Variants in TMTC4 observed in about 807,000 individuals in gnomAD.
The protein encoded by TMTC4 is transmembrane O-mannosyltransferase targeting cadherins 4.
TMTC4 carries 65 observed loss-of-function variants against 86.0 expected under a neutral mutation model. That is an observed-to-expected ratio of 0.76 (90% CI 0.62 to 0.93). The LOEUF (loss-of-function observed/expected upper bound fraction) is 0.93. Ranked by LOEUF, TMTC4 falls within the 40% of genes least tolerant of loss-of-function variation. TMTC4 has a pLI of 0.00. For synonymous variants in TMTC4, 379 were observed against 382.5 expected (o/e 0.99, Z 0.11); for missense variants, 866 against 948.1 (o/e 0.91, Z 1.14).
At chr13:100,661,394 A>C (rs982017097) in intron 5 of TMTC4, among the ~76,000 whole-genome samples, 3 of 152,236 alleles carry the variant, frequency 2.0e-5, no homozygotes, top group African/African-American at 7.2e-5. Flanking sequence ...TGAGAATTTT[A>C]GAAAACTTTC....
intron 15 of TMTC4, among the ~76,000 whole-genome samples, chr13:100,623,714 T>G (rs1303833761): frequency 7.1e-6 from 1 of 140,820 alleles, no homozygotes; most frequent in East Asian, 2.2e-4. Context: ...ATTGGAAAGA[T>G]GAAACTTTAT....
chr13:100,673,971 T>G (rs965126314), intron 1 of TMTC4: 9 of 949,266 alleles, frequency 9.5e-6, no homozygotes, highest in Non-Finnish European at 1.0e-5. Flanking sequence ...TGACTCATAG[T>G]GGCTAGATCG....
intron 15 of TMTC4, among the ~76,000 whole-genome samples, chr13:100,618,393 T>C (rs1274266809): frequency 1.3e-5 from 2 of 151,594 alleles, no homozygotes; most frequent in Non-Finnish European, 2.9e-5. Context: ...GTGGTGGGAG[T>C]GGGCATCCTT....
chr13:100,658,658 G>A (rs1263835490), intron 5 of TMTC4, among the ~76,000 whole-genome samples: 4 of 152,144 alleles, frequency 2.6e-5, no homozygotes, highest in Non-Finnish European at 5.9e-5. Context: ...TTGCTATCTG[G>A]GTGGCTAGTG....
At position 100,636,548 on chromosome 13, in the gene TMTC4, C is replaced by T. The variant is rs1882231764; in HGVS notation, c.1186G>A (p.Asp396Asn). The change falls in exon 10 of 19, where the codon GAC becomes AAC. Residue 396 changes from aspartate (D) to asparagine (N), a missense_variant. By Grantham distance (23) the Asp-to-Asn change is conservative (BLOSUM62 1). Transcript: ENST00000342624. The stretch of plus-strand genomic sequence containing the variant: ...GCCTCTTACCTTCTCTTGTGGCCGT[C>T]TTCAGAGCACAGGGCTTGGCATATC... ...GLICQALCSE[D>N]GHKRRILTLG... 1 of 1,614,118 alleles carries T rather than the reference C, an allele frequency of 6.2e-7. No homozygotes were observed. Among genetic ancestry groups the T allele is most frequent in the Non-Finnish European group, 8.5e-7 (1 of 1,180,060 alleles).
intron 2 of TMTC4, among the ~76,000 whole-genome samples, chr13:100,669,164 A>G (rs1006773782): frequency 1.3e-5 from 2 of 152,226 alleles, no homozygotes; most frequent in Admixed American, 6.5e-5. Flanking sequence ...CATCCAATCC[A>G]GAAAAATTAA....
chr13:100,643,174 C>T (rs1177752187), intron 6 of TMTC4, among the ~76,000 whole-genome samples: 1 of 152,158 alleles, frequency 6.6e-6, no homozygotes. Context: ...GTTGTGAAGT[C>T]CCCACTCTTC....
chr13:100,664,469 A>G (rs1886171595), intron 3 of TMTC4, 133 bp from the exon 4 acceptor site: 1 of 587,898 alleles, frequency 1.7e-6, no homozygotes, highest in Non-Finnish European at 3.0e-6. Context: ...CTCTATGTTG[A>G]TATCTCGAAA....
At chr13:100,667,293 G>A (rs1886500931) in intron 3 of TMTC4, among the ~76,000 whole-genome samples, 1 of 152,090 alleles carries the variant, frequency 6.6e-6, no homozygotes, top group Non-Finnish European at 1.5e-5. Context: ...AATTAGCCAG[G>A]CATGTGATGC....
intron 3 of TMTC4, 46 bp from the exon 4 acceptor site, chr13:100,664,382 G>T: frequency 1.4e-6 from 2 of 1,442,308 alleles, no homozygotes; most frequent in Non-Finnish European, 1.9e-6. Context: ...TCTCCCATCA[G>T]CCCTAAGCCA....
intron 12 of TMTC4, among the ~76,000 whole-genome samples, chr13:100,626,652 C>A (rs1880594864): frequency 6.6e-6 from 1 of 151,962 alleles, no homozygotes; most frequent in African/African-American, 2.4e-5. Flanking sequence ...ACCTCAAATT[C>A]CCCTCACCTA....
chr13:100,636,455 A>C, intron 10 of TMTC4, 77 bp downstream of exon 10: 1 of 1,529,318 alleles, frequency 6.5e-7, no homozygotes, highest in East Asian at 2.3e-5. Flanking sequence ...AAAATCATAA[A>C]AATGATCAGC....
rs1040166913 is a variant in TMTC4, at chr13:100,614,316, C to T, written c.1951G>A (p.Gly651Ser). 1 of 1,610,718 alleles carries T rather than the reference C, an allele frequency of 6.2e-7. No individual in the cohort carries two copies. The highest frequency in any genetic ancestry group is 1.3e-5 in the African/African-American group (1 of 74,706). Residue 651 changes from glycine (G) to serine (S), a missense_variant and splice_region_variant, in exon 16 of 19, where the codon GGT (glycine) becomes AGT (serine). Coordinates refer to ENST00000342624, the MANE Select transcript of TMTC4 (RefSeq NM_032813.5). ...NNMIILLDNT[G>S]NLAQAEAVGR... Reference sequence around the variant, plus strand: ...ATTTGTTCCATCCAGCTTTCTGTACCTGTATTGTCGAGGAGTATAATCATG... The same window carrying T: ...ATTTGTTCCATCCAGCTTTCTGTACTTGTATTGTCGAGGAGTATAATCATG...
rs548801052 is a variant in TMTC4, at chr13:100,618,946, C to A, written c.1837-4516G>T. 1.2e-4 allele frequency among the ~76,000 whole-genome samples: 18 copies of A among 152,344 alleles called. No individual in the cohort carries two copies. In the South Asian group the frequency reaches 3.1e-3, roughly 26 times the overall value. On this transcript the variant is annotated intron_variant, in intron 15 of 18. Transcript: ENST00000342624. ...CTCAATCTTTTCCCCACCTTTCCCC[C>A]CTTTCTATTCCACAAAACCGCCATT...
intron 2 of TMTC4, among the ~76,000 whole-genome samples, 153 bp from the exon 3 acceptor site, chr13:100,668,947 G>C (rs988481775): frequency 1.3e-5 from 2 of 152,218 alleles, no homozygotes; most frequent in South Asian, 2.1e-4. Context: ...CCAAACTTTA[G>C]TGGGCAGAAA....
rs1331640110 is a variant in TMTC4 at position 100,636,575 on chromosome 13, G to C, written c.1159C>G (p.Leu387Val). 1.2e-6 allele frequency: 2 copies of C among 1,614,182 alleles called. No individual in the cohort carries two copies. The highest frequency in any genetic ancestry group is 2.2e-5 in the East Asian group (1 of 44,888). ...TCAGAGCACAGGGCTTGGCATATCA[G>C]GCCAATTAGGCAGAACCAGAGTGCT... ...LAALWFCLIGLICQALCSEDG... is the reference protein window; with the variant it reads ...LAALWFCLIGVICQALCSEDG... The change falls in exon 10 of 19, where the codon CTG (leucine) becomes GTG (valine). Residue 387 changes from leucine (L) to valine (V), a missense_variant. By Grantham distance (32) the Leu-to-Val change is conservative. Coordinates refer to ENST00000342624, the MANE Select transcript of TMTC4 (RefSeq NM_032813.5).
At chr13:100,652,228 C>T (rs1358320046) in intron 6 of TMTC4, among the ~76,000 whole-genome samples, 1 of 152,104 alleles carries the variant, frequency 6.6e-6, no homozygotes, top group Non-Finnish European at 1.5e-5. Context: ...CCTGTAATCC[C>T]AGCACTTTGG....
chr13:100,633,255 G>A (rs1048790645), intron 12 of TMTC4, among the ~76,000 whole-genome samples: 3 of 144,154 alleles, frequency 2.1e-5, no homozygotes, highest in Non-Finnish European at 4.5e-5. Flanking sequence ...GTTGCAGTGA[G>A]CCGAGATCAG....
intron 5 of TMTC4, among the ~76,000 whole-genome samples, chr13:100,656,689 G>A (rs556026134): frequency 5.3e-5 from 8 of 151,802 alleles, no homozygotes; most frequent in Non-Finnish European, 8.8e-5. Flanking sequence ...GAGCAGAGGC[G>A]CACACCACCA....
Sources: allele counts gnomAD v4.1 joint callset (sites outside exome capture counted in the v4.1 genomes callset), GRCh38; gene constraint gnomAD v4.1.1; transcripts MANE v1.5; gene names NCBI Gene and HGNC (gene_info 2026-07-23, HGNC 2026-07-21).